ALCAM: variants seen among roughly 807,000 people sequenced by gnomAD.
ALCAM encodes the protein CD166 antigen.
Under a neutral mutation model 70.9 loss-of-function variants are expected in ALCAM, and 30 were observed. That is an observed-to-expected ratio of 0.42 (90% CI 0.32 to 0.57). The LOEUF is 0.57. ALCAM is among the 20% of genes least tolerant of loss of function. ALCAM has a pLI of 0.11. For missense variants in ALCAM, 591 were observed against 695.1 expected (o/e 0.85, Z 1.68); for synonymous variants, 249 against 242.5 (o/e 1.03, Z -0.25).
At chr3:105,383,503 A>G (rs1935577677) in intron 1 of ALCAM, among the ~76,000 whole-genome samples, 1 of 151,802 alleles carries the variant, frequency 6.6e-6, no homozygotes, top group Admixed American at 6.6e-5. Flanking sequence ...TTAAACAACA[A>G]CATATAATGT....
intron 14 of ALCAM, among the ~76,000 whole-genome samples, chr3:105,560,955 C>T (rs1443820884): frequency 2.6e-5 from 4 of 152,082 alleles, no homozygotes; most frequent in East Asian, 1.9e-4. Context: ...GTGGAATTAG[C>T]GTTGCTTTTA....
chr3:105,367,244 C>T lies in ALCAM; in HGVS notation c.-165C>T, dbSNP rs948121016. On this transcript the variant is annotated 5_prime_UTR_variant, in exon 1 of 16. Coordinates refer to ENST00000306107, the MANE Select transcript of ALCAM (RefSeq NM_001627.4). ...TTGCGTGGTGGAAAGTTGCGTGCGG[C>T]AGAGAACCGAAGGTGCAGCGCCACA... 1.3e-5 allele frequency: 8 copies of T among 639,132 alleles called. No homozygotes were observed. The highest frequency in any genetic ancestry group is 1.1e-4 in the African/African-American group (6 of 53,932). 39.6% of individuals were successfully genotyped at this position (639,132 alleles called of 1,614,324 possible).
At chr3:105,402,861 G>A (rs150859581) in intron 1 of ALCAM, among the ~76,000 whole-genome samples, 14 of 151,474 alleles carry the variant, frequency 9.2e-5, no homozygotes, top group South Asian at 2.1e-4. Context: ...CCTGCCCACC[G>A]TCTGAGAAAC....
intron 14 of ALCAM, among the ~76,000 whole-genome samples, chr3:105,563,758 G>A (rs1185408197): frequency 7.7e-5 from 10 of 130,358 alleles, no homozygotes; most frequent in Admixed American, 9.3e-5. Flanking sequence ...CGCAATCTCG[G>A]CTCACTGCAA....
At chr3:105,539,747 G>A (rs1457853168) in intron 6 of ALCAM, among the ~76,000 whole-genome samples, 1 of 152,032 alleles carries the variant, frequency 6.6e-6, no homozygotes, top group Non-Finnish European at 1.5e-5. Context: ...ATTTTGCTAA[G>A]AAGAAATTGA....
chr3:105,497,402 A>C (rs1334384205), intron 1 of ALCAM, among the ~76,000 whole-genome samples: 1 of 152,208 alleles, frequency 6.6e-6, no homozygotes, highest in African/African-American at 2.4e-5. Flanking sequence ...TAATGCATGT[A>C]ATTTCTTCAG....
chr3:105,493,012 TA>T (rs1182584188), intron 1 of ALCAM, among the ~76,000 whole-genome samples: 1 of 152,232 alleles, frequency 6.6e-6, no homozygotes. Context: ...GTACTTTAGA[TA>T]TTTTTTAGGT....
Position 105,485,838 on chromosome 3 carries a change from T to C in ALCAM, c.74-34229T>C, listed in dbSNP as rs200518313. On this transcript the variant is annotated intron_variant, in intron 1 of 15. Transcript: ENST00000306107. ...AAGGTCAATTTAGTAAAAGCACAAA[T>C]TTATATGAATGAAAATAATGGCCTG... is the stretch of plus-strand genomic sequence containing the variant. Among the ~76,000 whole-genome samples the C allele has an allele frequency of 7.9e-5, 12 of 152,028 alleles. No individual in the cohort carries two copies. The East Asian group carries it at 2.1e-3, about 27-fold the overall frequency.
chr3:105,497,348 T>A (rs1298372542), intron 1 of ALCAM, among the ~76,000 whole-genome samples: 1 of 152,192 alleles, frequency 6.6e-6, no homozygotes, highest in Non-Finnish European at 1.5e-5. Flanking sequence ...TTGTATAAAT[T>A]TCCTAATTGG....
chr3:105,389,398 T>C lies in ALCAM; in HGVS notation c.73+21917T>C, dbSNP rs202108089. On this transcript the variant is annotated intron_variant, in intron 1 of 15. Coordinates refer to ENST00000306107, the MANE Select transcript of ALCAM (RefSeq NM_001627.4). ...TTTTTTTTTTTTTTTTTTTTTTTTTTCTAAAAAACACACAGGAACCTTAAT... is the reference window on the plus strand; with the variant it reads ...TTTTTTTTTTTTTTTTTTTTTTTTTCCTAAAAAACACACAGGAACCTTAAT... 9.5e-3 allele frequency among the ~76,000 whole-genome samples: 1,213 copies of C among 127,786 alleles called. 38 individuals are homozygous for C. The highest frequency in any genetic ancestry group is 0.053 in the East Asian group (195 of 3,696). 83.8% of individuals were successfully genotyped at this position (127,786 alleles called of 152,430 possible).
chr3:105,436,093 C>T (rs1434082894), intron 1 of ALCAM, among the ~76,000 whole-genome samples: 3 of 152,168 alleles, frequency 2.0e-5, no homozygotes, highest in Non-Finnish European at 4.4e-5. Context: ...CATTCACTGT[C>T]ACAAGAACCA....
At chr3:105,452,235 C>A (rs1327502751) in intron 1 of ALCAM, among the ~76,000 whole-genome samples, 1 of 152,018 alleles carries the variant, frequency 6.6e-6, no homozygotes, top group Non-Finnish European at 1.5e-5. Flanking sequence ...CACCTCCCAA[C>A]AGGCCCTAGT....
chr3:105,531,763 G>A lies in ALCAM; in HGVS notation c.395-239G>A, dbSNP rs183049907. On this transcript the variant is annotated intron_variant, in intron 3 of 15. Transcript: ENST00000306107. Reference sequence around the variant, plus strand: ...TCACTATTTATAAAGCATTCAGAAAGCATTATTTATATTTTATTCAAAGGA... The same window carrying A: ...TCACTATTTATAAAGCATTCAGAAAACATTATTTATATTTTATTCAAAGGA... Among the ~76,000 whole-genome samples the A allele has an allele frequency of 1.1e-4, 17 of 152,126 alleles. No individual in the cohort carries two copies. The East Asian group carries it at 2.1e-3, about 19-fold the overall frequency.
intron 1 of ALCAM, among the ~76,000 whole-genome samples, chr3:105,471,403 G>C (rs1468107905): frequency 6.6e-6 from 1 of 151,260 alleles, no homozygotes. Flanking sequence ...ACAAAAAAGT[G>C]CACAAATGGA....
At chr3:105,405,307 CAA>C (rs1488497429) in intron 1 of ALCAM, among the ~76,000 whole-genome samples, 5 of 97,478 alleles carry the variant, frequency 5.1e-5, no homozygotes, top group East Asian at 3.6e-4. Context: ...AAAAAAAAGA[CAA>C]AGAGGGACAT....
intron 1 of ALCAM, among the ~76,000 whole-genome samples, chr3:105,507,306 A>C (rs751357077): frequency 9.9e-5 from 15 of 151,916 alleles, no homozygotes; most frequent in Admixed American, 3.9e-4. Flanking sequence ...CTTACATTAG[A>C]TTTTCCTGTT....
intron 1 of ALCAM, among the ~76,000 whole-genome samples, chr3:105,401,997 G>A (rs1233053723): frequency 1.3e-5 from 2 of 151,536 alleles, no homozygotes; most frequent in East Asian, 3.9e-4. Context: ...AAAAAACAGA[G>A]AAGAAAAATA....
Position 105,367,346 on chromosome 3 carries a change from C to T in ALCAM, c.-63C>T. 2 of 1,574,330 alleles carry T rather than the reference C, an allele frequency of 1.3e-6. No individual in the cohort carries two copies. The highest frequency in any genetic ancestry group is 1.7e-6 in the Non-Finnish European group (2 of 1,150,834). ...GCCAGCGCGCGGGCACCGCGGGGCC[C>T]GGGACGACGCCCCCTCCTGCGGCGT... is the stretch of plus-strand genomic sequence containing the variant. On this transcript the variant is annotated 5_prime_UTR_variant, in exon 1 of 16. Transcript: ENST00000306107.
chr3:105,424,410 C>T (rs941140129), intron 1 of ALCAM, among the ~76,000 whole-genome samples: 2 of 151,544 alleles, frequency 1.3e-5, no homozygotes, highest in African/African-American at 4.8e-5. Flanking sequence ...ATGTTCTTTC[C>T]ATTACATTGA....
Sources: allele counts gnomAD v4.1 joint callset (sites outside exome capture counted in the v4.1 genomes callset), GRCh38; gene constraint gnomAD v4.1.1; transcripts MANE v1.5; gene names NCBI Gene and HGNC (gene_info 2026-07-23, HGNC 2026-07-21).